GPR107: variants seen among roughly 807,000 people sequenced by gnomAD.
GPR107 encodes the protein protein GPR107.
GPR107 carries 31 observed loss-of-function variants against 75.5 expected under a neutral mutation model. The observed-to-expected ratio is 0.41, with a 90% CI of 0.31 to 0.55. GPR107 has a LOEUF of 0.55. GPR107 is among the 20% of genes least tolerant of loss of function. The probability of loss-of-function intolerance (pLI) is 0.26; values close to 1 mark genes in which losing one functional copy is unlikely to be tolerated. For missense variants in GPR107, 572 were observed against 665.7 expected, an observed-to-expected ratio of 0.86 and a Z score of 1.55; for synonymous variants, 267 against 251.3, an observed-to-expected ratio of 1.06 and a Z score of -0.59.
At chr9:130,071,118 C>G (rs1483560278) in intron 1 of GPR107, among the ~76,000 whole-genome samples, 1 of 147,316 alleles carries the variant, frequency 6.8e-6, no homozygotes, top group African/African-American at 2.5e-5. Flanking sequence ...CCACTGCAGC[C>G]TCGACATCCT....
chr9:130,095,956 C>T (rs1342418137), intron 9 of GPR107, among the ~76,000 whole-genome samples: 2 of 152,082 alleles, frequency 1.3e-5, no homozygotes, highest in Non-Finnish European at 1.5e-5. Context: ...TTATTGAGGC[C>T]CAGAGAGGGG....
intron 1 of GPR107, among the ~76,000 whole-genome samples, chr9:130,071,736 T>C (rs1189317486): frequency 6.6e-6 from 1 of 152,118 alleles, no homozygotes; most frequent in Non-Finnish European, 1.5e-5. Flanking sequence ...CAGGCTGGAG[T>C]GCAATGGTGC....
chr9:130,056,187 C>T (rs931941649), intron 1 of GPR107, among the ~76,000 whole-genome samples: 35 of 152,132 alleles, frequency 2.3e-4, no homozygotes, highest in African/African-American at 4.1e-4. Flanking sequence ...CACGGTGGCT[C>T]ACGCCTGTAA....
chr9:130,116,109 G>A (rs1222774332), intron 14 of GPR107, among the ~76,000 whole-genome samples: 1 of 152,184 alleles, frequency 6.6e-6, no homozygotes, highest in East Asian at 1.9e-4. Context: ...TCCAAAAGCA[G>A]AGGTCTCTCA....
At chr9:130,083,030 C>T (rs919978221) in intron 5 of GPR107, among the ~76,000 whole-genome samples, 2 of 152,078 alleles carry the variant, frequency 1.3e-5, no homozygotes, top group African/African-American at 4.8e-5. Context: ...AAGGGATTCT[C>T]CTGTGTCAGC....
intron 17 of GPR107, among the ~76,000 whole-genome samples, chr9:130,130,482 G>A (rs1182840106): frequency 1.3e-5 from 2 of 152,180 alleles, no homozygotes; most frequent in Non-Finnish European, 2.9e-5. Flanking sequence ...TGTGGGCGAG[G>A]AACGTGTGTG....
At chr9:130,090,327 T>C (rs930547084) in intron 7 of GPR107, among the ~76,000 whole-genome samples, 1 of 152,234 alleles carries the variant, frequency 6.6e-6, no homozygotes, top group African/African-American at 2.4e-5. Flanking sequence ...ATTATTCTTC[T>C]CTAAAACCAT....
At chr9:130,091,084 A>AT in intron 8 of GPR107, 101 bp downstream of exon 8, 1 of 661,386 alleles carries the variant, frequency 1.5e-6, no homozygotes, top group Non-Finnish European at 2.7e-6. Flanking sequence ...TAAGAAAAGA[A>AT]TGTGGGCAGA....
intron 1 of GPR107, among the ~76,000 whole-genome samples, chr9:130,067,285 C>T (rs939402103): frequency 6.6e-6 from 1 of 152,172 alleles, no homozygotes; most frequent in Non-Finnish European, 1.5e-5. Context: ...ATAGTAATAG[C>T]TGCTTGTTAT....
At chr9:130,089,328 C>T (rs556603047) in intron 7 of GPR107, among the ~76,000 whole-genome samples, 5 of 152,196 alleles carry the variant, frequency 3.3e-5, no homozygotes, top group South Asian at 4.1e-4. Context: ...ACAGCCCATC[C>T]GCAGGGTTCT....
rs1375795063 is a variant in GPR107 at position 130,112,551 on chromosome 9, C to T, written c.1306+5012C>T. Among the ~76,000 whole-genome samples the T allele has an allele frequency of 1.3e-5, 2 of 152,086 alleles. No individual in the cohort carries two copies. The highest frequency in any genetic ancestry group is 4.8e-5 in the African/African-American group (2 of 41,408). On this transcript the variant is annotated intron_variant, in intron 14 of 17. Coordinates refer to ENST00000347136, the MANE Select transcript of GPR107 (RefSeq NM_020960.5). This position sits in a 1 kb window ranked among gnomAD's most constrained non-coding sequence, Gnocchi z 4.0. ...AAGGCTCATATCACTTAAGAATGGT[C>T]TTGAAATAATAAAACTGTTGATGTG...
At chr9:130,122,502 G>A (rs1272864099) in intron 14 of GPR107, among the ~76,000 whole-genome samples, 1 of 152,204 alleles carries the variant, frequency 6.6e-6, no homozygotes, top group Non-Finnish European at 1.5e-5. Context: ...TGTCCTCTGT[G>A]AAGGCCTTCC....
At chr9:130,054,196 CT>C in intron 1 of GPR107, 123 bp downstream of exon 1, 1 of 961,070 alleles carries the variant, frequency 1.0e-6, no homozygotes. Flanking sequence ...TGGCTGCGGC[CT>C]TTCACTGACA....
At chr9:130,077,416 G>A (rs772278373) in intron 4 of GPR107, 38 bp downstream of exon 4, 1 of 997,704 alleles carries the variant, frequency 1.0e-6, no homozygotes, top group Non-Finnish European at 1.6e-6. Flanking sequence ...CAGTCCTAGA[G>A]TAGAGTCGGG....
Position 130,138,936 on chromosome 9 carries a change from A to G in GPR107, c.*3815A>G, listed in dbSNP as rs1554900394. 2 of 152,284 alleles carry G rather than the reference A, an allele frequency of 1.3e-5. No individual in the cohort carries two copies. Among genetic ancestry groups the G allele is most frequent in the East Asian group, 3.9e-4 (2 of 5,170 alleles). 9.4% of individuals were successfully genotyped at this position (152,284 alleles called of 1,614,324 possible). A position where few individuals can be genotyped will look rare whatever the true frequency, so the allele number is the denominator to read the frequency against. On this transcript the variant is annotated 3_prime_UTR_variant, in exon 18 of 18. Coordinates refer to ENST00000347136, the MANE Select transcript of GPR107 (RefSeq NM_020960.5). Reference sequence around the variant, plus strand: ...TTGAGGAAGGCTCTTAGAACATTAGATAGTCTGCTGAGGTTGTTGGCCCAG... The same window carrying G: ...TTGAGGAAGGCTCTTAGAACATTAGGTAGTCTGCTGAGGTTGTTGGCCCAG...
intron 17 of GPR107, among the ~76,000 whole-genome samples, chr9:130,132,014 T>A (rs1006050241): frequency 7.9e-5 from 12 of 152,210 alleles, no homozygotes; most frequent in Non-Finnish European, 1.5e-4. Flanking sequence ...CCTTAATAGC[T>A]GGGACCACAG....
chr9:130,097,196 C>T (rs1446607670), intron 9 of GPR107, among the ~76,000 whole-genome samples: 2 of 147,394 alleles, frequency 1.4e-5, no homozygotes, highest in African/African-American at 2.5e-5. Context: ...ACTCTGTCAC[C>T]CAAGCTGGAG....
At chr9:130,100,777 CA>C (rs1207639779) in intron 11 of GPR107, 75 bp downstream of exon 11, 2 of 1,057,216 alleles carry the variant, frequency 1.9e-6, no homozygotes, top group African/African-American at 3.1e-5. Context: ...CAACCTGCCC[CA>C]AGTTAACCAG....
chr9:130,122,550 G>A (rs796758173), intron 14 of GPR107, among the ~76,000 whole-genome samples: 57 of 152,282 alleles, frequency 3.7e-4, no homozygotes, highest in African/African-American at 1.3e-3. Context: ...ATCGCACACC[G>A]GTCAGCAGTG....
Sources: allele counts gnomAD v4.1 joint callset (sites outside exome capture counted in the v4.1 genomes callset), GRCh38; gene constraint gnomAD v4.1.1; non-coding constraint Gnocchi (gnomAD v3.1); transcripts MANE v1.5; gene names NCBI Gene and HGNC (gene_info 2026-07-23, HGNC 2026-07-21).